PSG4: variants seen among roughly 807,000 people sequenced by gnomAD.
PSG4 encodes the protein pregnancy-specific beta-1-glycoprotein 4.
Under a neutral mutation model 44.3 loss-of-function variants are expected in PSG4, and 61 were observed. That is an observed-to-expected ratio of 1.38 (90% CI 1.12 to 1.70). PSG4 has a LOEUF of 1.70. Among genes scored for constraint, PSG4 ranks in the 40% most tolerant of loss-of-function variants. PSG4 has a pLI of 0.00. For synonymous variants in PSG4, 248 were observed against 191.3 expected (o/e 1.30, Z -2.45); for missense variants, 677 against 511.7 (o/e 1.32, Z -3.12).
chr19:43,200,028 G>C lies in PSG4; in HGVS notation c.431-1753C>G, dbSNP rs907685331. Among the ~76,000 whole-genome samples the C allele has an allele frequency of 2.1e-5, 3 of 145,350 alleles. 1 individual carries two copies. Among genetic ancestry groups the C allele is most frequent in the African/African-American group, 5.3e-5 (2 of 37,904 alleles). On this transcript the variant is annotated intron_variant, in intron 2 of 5. Coordinates refer to ENST00000405312, the MANE Select transcript of PSG4 (RefSeq NM_002780.5). ...GATGTGTGTTATGTTAGTAAATATA[G>C]AAAGAACTCCCTGCTTCTAATTTCT...
intron 5 of PSG4, chr19:43,193,927 C>A: frequency 1.3e-6 from 1 of 744,478 alleles, no homozygotes; most frequent in Non-Finnish European, 2.4e-6. Context: ...AGGTAGAGAG[C>A]AAAAGTAAAT....
rs1255170841 is a variant in PSG4, at chr19:43,194,196, T to G, written c.1243+144A>C. The stretch of plus-strand genomic sequence containing the variant: ...AAGTTTTGGAAGTTCTTAGACAAAT[T>G]GGGAGTGTTCAGGAGTAGAATTTGG... On this transcript the variant is annotated intron_variant, in intron 5 of 5. Transcript: ENST00000405312. The G allele has an allele frequency of 1.5e-5, 24 of 1,557,212 alleles. 1 individual carries two copies. The highest frequency in any genetic ancestry group is 1.1e-4 in the Admixed American group (6 of 52,914).
Position 43,198,163 on chromosome 19 carries a change from C to A in PSG4, c.543G>T (p.Trp181Cys). The change falls in exon 3 of 6, where the codon TGG (tryptophan) becomes TGT (cysteine). Residue 181 changes from tryptophan (W) to cysteine (C), a missense_variant. By Grantham distance (215) the Trp-to-Cys change is radical. Transcript: ENST00000405312. ...TCATAGGGAGGCTCTGACCATTCAT[C>A]CACCACTGGTAGCTTGCGGCTGGAG... Reference protein sequence around the residue: ...PATPAASYQWWMNGQSLPMTH... With the variant: ...PATPAASYQWCMNGQSLPMTH... The A allele has an allele frequency of 1.9e-6, 3 of 1,588,000 alleles. 1 individual carries two copies. Among genetic ancestry groups the A allele is most frequent in the Non-Finnish European group, 2.6e-6 (3 of 1,171,950 alleles).
rs115577872 is a variant in PSG4 at position 43,203,791 on chromosome 19, G to T, written c.430+95C>A. 106 of 1,531,714 alleles carry T rather than the reference G, an allele frequency of 6.9e-5. 11 individuals are homozygous for T. The highest frequency in any genetic ancestry group is 3.6e-4 in the East Asian group (13 of 36,146). The allele number at this position is 1,531,714 out of a possible 1,614,324, so 94.9% of individuals were successfully genotyped here. The stretch of plus-strand genomic sequence containing the variant: ...CCAGCATGGGACTTAATGCAGAGAG[G>T]GACACAGGCAGAGTCCAGGCCTGAG... On this transcript the variant is annotated intron_variant, in intron 2 of 5. Transcript: ENST00000405312.
At chr19:43,193,552 T>C in intron 5 of PSG4, 164 bp from the exon 6 acceptor site, 1 of 642,058 alleles carries the variant, frequency 1.6e-6, no homozygotes, top group South Asian at 1.8e-5. Flanking sequence ...ATAGGTTGAG[T>C]TTCTTCAAAC....
chr19:43,202,454 A>G (rs1599779545), intron 2 of PSG4, among the ~76,000 whole-genome samples: 1 of 143,970 alleles, frequency 6.9e-6, no homozygotes, highest in Non-Finnish European at 1.5e-5. Context: ...TGTGGCTAGA[A>G]CCTCCTATGA....
chr19:43,193,918 G>C (rs1228138857), intron 5 of PSG4: 3 of 729,392 alleles, frequency 4.1e-6, no homozygotes, highest in Non-Finnish European at 7.4e-6. Flanking sequence ...GGGGCAGTCA[G>C]GTAGAGAGCA....
chr19:43,196,437 C>T (rs940286808), intron 3 of PSG4: 1 of 151,518 alleles, frequency 6.6e-6, no homozygotes, highest in African/African-American at 2.4e-5. Flanking sequence ...GAGTATTATG[C>T]ATAAGACTTA....
chr19:43,200,513 G>A (rs114500780), intron 2 of PSG4, among the ~76,000 whole-genome samples: 1,474 of 145,238 alleles, frequency 0.01, 269 homozygotes, highest in African/African-American at 0.038. Context: ...TCCTCAAGCT[G>A]GGGGTTCCTT....
intron 5 of PSG4, 182 bp downstream of exon 5, chr19:43,194,158 A>G: frequency 6.7e-7 from 1 of 1,498,252 alleles, no homozygotes; most frequent in Non-Finnish European, 8.9e-7. Flanking sequence ...AGAAGATATC[A>G]GCCTGTTTGT....
rs1017941924 is a variant in PSG4, at chr19:43,197,281, C to T, written c.709+716G>A. On this transcript the variant is annotated intron_variant, in intron 3 of 5. Transcript: ENST00000405312. ...CTTTGCAGAGGGCAGGTGGCTTTTC[C>T]CTGATAGCTAGATAGACTTCACTGG... 4.1e-5 allele frequency among the ~76,000 whole-genome samples: 6 copies of T among 145,194 alleles called. 1 individual carries two copies. Among genetic ancestry groups the T allele is most frequent in the African/African-American group, 1.6e-4 (6 of 37,796 alleles).
At chr19:43,205,356 C>G in intron 1 of PSG4, 117 bp downstream of exon 1, 1 of 1,257,210 alleles carries the variant, frequency 8.0e-7, no homozygotes. Flanking sequence ...ATCCACCCAA[C>G]TCAGCCTCCC....
At chr19:43,205,223 A>G (rs10424899) in intron 1 of PSG4, among the ~76,000 whole-genome samples, 1 of 137,154 alleles carries the variant, frequency 7.3e-6, no homozygotes, top group African/African-American at 2.9e-5. Context: ...TTCTCCTGCC[A>G]CAGCCTCCTG....
At chr19:43,197,382 A>G (rs1967296694) in intron 3 of PSG4, among the ~76,000 whole-genome samples, 2 of 145,740 alleles carry the variant, frequency 1.4e-5, no homozygotes, top group Admixed American at 1.4e-4. Context: ...TTGTTCCATC[A>G]GTGGCTGAGT....
chr19:43,192,741 T>C lies in PSG4; in HGVS notation c.*631A>G, dbSNP rs1967073704. On this transcript the variant is annotated 3_prime_UTR_variant, in exon 6 of 6. Transcript: ENST00000405312. The stretch of plus-strand genomic sequence containing the variant: ...ACATGTTTTATTCTGCTAGAATCAG[T>C]ATTACTGTCACGTTTTACACTGTAT... 1.2e-5 allele frequency: 2 copies of C among 167,940 alleles called. No individual in the cohort carries two copies. The highest frequency in any genetic ancestry group is 2.4e-5 in the African/African-American group (1 of 41,544). The allele number at this position is 167,940 out of a possible 1,614,324, so 10.4% of individuals were successfully genotyped here.
Position 43,194,354 on chromosome 19 carries a change from G to A in PSG4, c.1229C>T (p.Thr410Ile), listed in dbSNP as rs1447871641. 1.2e-6 allele frequency: 2 copies of A among 1,612,408 alleles called. No homozygotes were observed. Among genetic ancestry groups the A allele is most frequent in the South Asian group, 2.2e-5 (2 of 91,032 alleles). ...ATGKESSKSI[T>I]VKVSDWILP ...GATCCACTTACCAGAGACTTTGACTGTGATGGATTTGGAGCTTTCCTTGCC... is the reference window on the plus strand; with the variant it reads ...GATCCACTTACCAGAGACTTTGACTATGATGGATTTGGAGCTTTCCTTGCC... The change falls in exon 5 of 6, where the codon ACA (threonine) becomes ATA (isoleucine). Residue 410 changes from threonine to isoleucine, a missense_variant. Thr to Ile is a moderately conservative substitution (Grantham distance 89, BLOSUM62 -1). Coordinates refer to ENST00000405312, the MANE Select transcript of PSG4 (RefSeq NM_002780.5).
At position 43,200,049 on chromosome 19, in the gene PSG4, T is replaced by A. The variant is rs940423965; in HGVS notation, c.431-1774A>T. Reference sequence around the variant, plus strand: ...TATAGAAAGAACTCCCTGCTTCTAATTTCTGTGCAGAGTTAGGAAAAATGG... The same window carrying A: ...TATAGAAAGAACTCCCTGCTTCTAAATTCTGTGCAGAGTTAGGAAAAATGG... On this transcript the variant is annotated intron_variant, in intron 2 of 5. Coordinates refer to ENST00000405312, the MANE Select transcript of PSG4 (RefSeq NM_002780.5). Among the ~76,000 whole-genome samples the A allele has an allele frequency of 8.2e-5, 12 of 145,752 alleles. 1 individual carries two copies. Among genetic ancestry groups the A allele is most frequent in the Admixed American group, 2.7e-4 (4 of 14,658 alleles).
At chr19:43,199,501 C>T (rs1967410882) in intron 2 of PSG4, among the ~76,000 whole-genome samples, 1 of 145,644 alleles carries the variant, frequency 6.9e-6, no homozygotes, top group Non-Finnish European at 1.5e-5. Context: ...ATTTGCAGTA[C>T]ATGTACTGGT....
chr19:43,198,730 T>A lies in PSG4; in HGVS notation c.431-455A>T, dbSNP rs539600434. 4.5e-5 allele frequency: 8 copies of A among 176,260 alleles called. No individual in the cohort carries two copies. In the East Asian group the frequency reaches 1.4e-3, roughly 31 times the overall value. The allele number at this position is 176,260 out of a possible 1,614,324, so 10.9% of individuals were successfully genotyped here. ...TAGAGATGGATGATGGAACTTCCCA[T>A]TGTCCTTAAACCCTTTGGGTACTGG... is the stretch of plus-strand genomic sequence containing the variant. On this transcript the variant is annotated intron_variant, in intron 2 of 5. Coordinates refer to ENST00000405312, the MANE Select transcript of PSG4 (RefSeq NM_002780.5).
Sources: gnomAD v4.1 joint callset for allele counts (sites outside exome capture counted in the v4.1 genomes callset) on GRCh38, gnomAD v4.1.1 for gene constraint, MANE v1.5 for transcripts, NCBI Gene and HGNC (gene_info 2026-07-23, HGNC 2026-07-21) for gene names.